CAMTA1: variants seen among roughly 807,000 people sequenced by gnomAD.
CAMTA1 encodes the protein calmodulin-binding transcription activator 1.
A neutral mutation model predicts 170.9 loss-of-function variants in CAMTA1; 27 were observed. The ratio of observed to expected loss-of-function variants is 0.16; its 90% CI spans 0.12 to 0.22. The LOEUF (loss-of-function observed/expected upper bound fraction) is 0.22. Among genes scored for constraint, CAMTA1 ranks in the 10% least tolerant of loss-of-function variants. The pLI, the probability that CAMTA1 is intolerant of heterozygous loss-of-function variation, is 1.00. For missense variants in CAMTA1, 1,619 were observed against 2,217.2 expected (o/e 0.73, Z 5.42); for synonymous variants, 833 against 891.5 (o/e 0.93, Z 1.17).
Position 7,173,974 on chromosome 1 carries a change from A to G in CAMTA1, c.303-75517A>G, listed in dbSNP as rs192108989. Among the ~76,000 whole-genome samples the G allele has an allele frequency of 1.3e-5, 2 of 152,200 alleles. No individual in the cohort carries two copies. Among genetic ancestry groups the G allele is most frequent in the African/African-American group, 4.8e-5 (2 of 41,536 alleles). On this transcript the variant is annotated intron_variant, in intron 4 of 22. Transcript: ENST00000303635. The surrounding 1 kb of genome is among the most constrained non-coding windows in gnomAD (Gnocchi z 5.4). ...TTTACCATGGGTTACCTTTGACACC[A>G]AGGTTCCCCCACCCCTACCCTTCAA...
chr1:7,005,277 G>A (rs773862995), intron 3 of CAMTA1, among the ~76,000 whole-genome samples: 25 of 152,126 alleles, frequency 1.6e-4, no homozygotes, highest in Admixed American at 5.9e-4. Flanking sequence ...TTCCAGACAG[G>A]CACTCCATTT....
At chr1:7,355,912 A>G (rs542056228) in intron 5 of CAMTA1, among the ~76,000 whole-genome samples, 4 of 152,374 alleles carry the variant, frequency 2.6e-5, no homozygotes, top group Non-Finnish European at 4.4e-5. Context: ...CAGATTTTCA[A>G]TAGCTGGATC....
chr1:7,589,828 G>A (rs1032666746), intron 6 of CAMTA1, among the ~76,000 whole-genome samples: 7 of 152,108 alleles, frequency 4.6e-5, no homozygotes, highest in Non-Finnish European at 1.0e-4. Context: ...GTTACCTCCC[G>A]AGGCCCCTCC....
At chr1:7,028,008 A>C (rs1479051046) in intron 3 of CAMTA1, among the ~76,000 whole-genome samples, 2 of 151,404 alleles carry the variant, frequency 1.3e-5, no homozygotes, top group South Asian at 4.2e-4. Flanking sequence ...AGGTTCAAGC[A>C]ATTCTGCTGC....
intron 3 of CAMTA1, among the ~76,000 whole-genome samples, chr1:6,912,380 G>A (rs556611778): frequency 1.3e-5 from 2 of 152,314 alleles, no homozygotes; most frequent in South Asian, 2.1e-4. Flanking sequence ...GTCACCAAGT[G>A]TGAAAATGTG....
intron 3 of CAMTA1, among the ~76,000 whole-genome samples, chr1:7,069,175 G>A (rs897407855): frequency 6.6e-6 from 1 of 152,152 alleles, no homozygotes; most frequent in Non-Finnish European, 1.5e-5. Flanking sequence ...GGGAAAGATT[G>A]TCATCCTTCA....
chr1:6,937,424 CCAT>C (rs1216348684), intron 3 of CAMTA1, among the ~76,000 whole-genome samples: 1 of 151,764 alleles, frequency 6.6e-6, no homozygotes, highest in African/African-American at 2.4e-5. Context: ...ATCACCACTA[CCAT>C]CATCACCATC....
intron 5 of CAMTA1, among the ~76,000 whole-genome samples, chr1:7,386,066 C>T (rs955315571): frequency 2.0e-5 from 3 of 152,170 alleles, no homozygotes; most frequent in Non-Finnish European, 4.4e-5. Flanking sequence ...CATTGGCCCC[C>T]CAAAGGAAGT....
chr1:7,676,855 C>T lies in CAMTA1; in HGVS notation c.2780-744C>T, dbSNP rs144118783. Among the ~76,000 whole-genome samples, 50 of 152,338 alleles carry T rather than the reference C, an allele frequency of 3.3e-4. No individual in the cohort carries two copies. The Middle Eastern group carries it at 0.01, about 31-fold the overall frequency. ...CCCAAGAGCTGAAGCTGGTCTCCAC[C>T]GCAGGCTGGCTTCGTCTTACTCACA... On this transcript the variant is annotated intron_variant, in intron 10 of 22. Coordinates refer to ENST00000303635, the MANE Select transcript of CAMTA1 (RefSeq NM_015215.4).
chr1:7,393,540 G>C (rs977026728), intron 5 of CAMTA1, among the ~76,000 whole-genome samples: 1 of 151,982 alleles, frequency 6.6e-6, no homozygotes, highest in African/African-American at 2.4e-5. Context: ...AGCCTTGTTT[G>C]TTTTTTCTTT....
At chr1:7,360,730 G>A (rs1043523020) in intron 5 of CAMTA1, among the ~76,000 whole-genome samples, 1 of 152,220 alleles carries the variant, frequency 6.6e-6, no homozygotes, top group Non-Finnish European at 1.5e-5. Context: ...AGAGTGAGCA[G>A]GCTGTGCTGG....
intron 6 of CAMTA1, among the ~76,000 whole-genome samples, chr1:7,552,076 G>A (rs922246265): frequency 3.3e-5 from 5 of 152,194 alleles, no homozygotes; most frequent in East Asian, 1.9e-4. Flanking sequence ...AGTGGGAGAC[G>A]GTAGAACTTG....
chr1:7,240,062 G>T (rs953714252), intron 4 of CAMTA1, among the ~76,000 whole-genome samples: 1 of 152,124 alleles, frequency 6.6e-6, no homozygotes, highest in Non-Finnish European at 1.5e-5. Flanking sequence ...ACCTTTAGGG[G>T]GACACATCCA....
chr1:7,315,806 C>T (rs996575394), intron 5 of CAMTA1, among the ~76,000 whole-genome samples: 2 of 152,284 alleles, frequency 1.3e-5, no homozygotes, highest in Non-Finnish European at 2.9e-5. Flanking sequence ...CTTATAGATG[C>T]GTCACTGCAC....
intron 5 of CAMTA1, among the ~76,000 whole-genome samples, chr1:7,267,128 A>G (rs1669059123): frequency 2.0e-5 from 3 of 152,172 alleles, no homozygotes; most frequent in Admixed American, 2.0e-4. Context: ...AGTGGAAGAG[A>G]GGTGGGCCAG....
chr1:7,037,489 G>A (rs150215310), intron 3 of CAMTA1, among the ~76,000 whole-genome samples: 1 of 152,126 alleles, frequency 6.6e-6, no homozygotes, highest in Non-Finnish European at 1.5e-5. Flanking sequence ...TGGGTTCTTC[G>A]CATTGGGCTT....
At chr1:7,397,946 T>C (rs1432000639) in intron 5 of CAMTA1, among the ~76,000 whole-genome samples, 2 of 151,878 alleles carry the variant, frequency 1.3e-5, no homozygotes, top group Non-Finnish European at 2.9e-5. Context: ...TAGAGAAGAA[T>C]GTATATTCTG....
intron 6 of CAMTA1, among the ~76,000 whole-genome samples, chr1:7,488,547 C>T (rs1231622262): frequency 6.6e-6 from 1 of 152,096 alleles, no homozygotes; most frequent in Non-Finnish European, 1.5e-5. Context: ...CACACACATA[C>T]ATCTGTACAC....
At chr1:6,843,399 T>C (rs1656675522) in intron 3 of CAMTA1, among the ~76,000 whole-genome samples, 1 of 152,224 alleles carries the variant, frequency 6.6e-6, no homozygotes, top group African/African-American at 2.4e-5. Context: ...CTGAGGAATT[T>C]CAGTTAGAAA....
Sources: allele counts gnomAD v4.1 joint callset (sites outside exome capture counted in the v4.1 genomes callset), GRCh38; gene constraint gnomAD v4.1.1; non-coding constraint Gnocchi (gnomAD v3.1); transcripts MANE v1.5; gene names NCBI Gene and HGNC (gene_info 2026-07-23, HGNC 2026-07-21).